Variants in GTF2I observed in about 807,000 individuals in gnomAD.
The protein encoded by GTF2I is general transcription factor IIi.
In GTF2I, 12 loss-of-function variants were observed where a neutral mutation model predicts 67.6. The ratio of observed to expected loss-of-function variants is 0.18; its 90% CI spans 0.11 to 0.29. The LOEUF is 0.29. GTF2I is among the 10% of genes least tolerant of loss of function. The probability of loss-of-function intolerance (pLI) is 1.00; values close to 1 mark genes in which losing one functional copy is unlikely to be tolerated. For synonymous variants in GTF2I, 149 were observed against 197.0 expected (o/e 0.76, Z 2.04); for missense variants, 271 against 580.1 (o/e 0.47, Z 5.47).
At chr7:74,680,603 G>A (rs782518416) in intron 1 of GTF2I, among the ~76,000 whole-genome samples, 52 of 152,140 alleles carry the variant, frequency 3.4e-4, no homozygotes, top group African/African-American at 7.7e-4. Context: ...TTAGCCGGGC[G>A]TGGTGCTGCA....
At position 74,718,516 on chromosome 7, in the gene GTF2I, A is replaced by G. The variant is rs188557236; in HGVS notation, c.881-363A>G. Among the ~76,000 whole-genome samples, 469 of 152,328 alleles carry G rather than the reference A, an allele frequency of 3.1e-3. 5 individuals carry two copies. Among genetic ancestry groups the G allele is most frequent in the African/African-American group, 0.011 (442 of 41,578 alleles). ...ACTCCTCACATTTCTGAAAGGAGAG[A>G]AGAAATTCTAACCAAAGTAGAAAGC... On this transcript the variant is annotated intron_variant, in intron 11 of 34. Coordinates refer to ENST00000573035, the MANE Select transcript of GTF2I (RefSeq NM_032999.4).
At chr7:74,713,094 G>A (rs1003266421) in intron 9 of GTF2I, among the ~76,000 whole-genome samples, 3 of 151,950 alleles carry the variant, frequency 2.0e-5, no homozygotes, top group African/African-American at 7.3e-5. Context: ...CCATTTTTAG[G>A]GTGAATAAAA....
At chr7:74,658,402 C>G (rs2131158374) in intron 1 of GTF2I, among the ~76,000 whole-genome samples, 1 of 144,338 alleles carries the variant, frequency 6.9e-6, no homozygotes, top group Admixed American at 6.8e-5. Flanking sequence ...GCGCGCCGAC[C>G]GGCGTGCGGT....
At chr7:74,674,438 G>A (rs1025909490) in intron 1 of GTF2I, among the ~76,000 whole-genome samples, 2 of 152,134 alleles carry the variant, frequency 1.3e-5, no homozygotes, top group East Asian at 1.9e-4. Flanking sequence ...TATCTTTCAC[G>A]TAGAGACTTG....
chr7:74,680,079 C>CAAAAAAAAAAAAAAAAAAAAAAAA (rs1225904374), intron 1 of GTF2I, among the ~76,000 whole-genome samples: 1 of 30,526 alleles, frequency 3.3e-5, no homozygotes, highest in Non-Finnish European at 5.2e-5. Context: ...GAGTCCATCT[C>CAAAAAAAAAAAAAAAAAAAAAAAA]AAAAAAAAAA....
At chr7:74,698,926 T>C in intron 3 of GTF2I, 35 bp from the exon 4 acceptor site, 1 of 1,096,286 alleles carries the variant, frequency 9.1e-7, no homozygotes, top group Non-Finnish European at 1.2e-6. Flanking sequence ...GACCTTATTA[T>C]TATTTTTTTA....
chr7:74,725,494 C>A (rs1175104984), intron 12 of GTF2I, among the ~76,000 whole-genome samples: 1 of 151,144 alleles, frequency 6.6e-6, no homozygotes, highest in African/African-American at 2.4e-5. Flanking sequence ...CAAGACCAAC[C>A]TGGGCAACAT....
intron 2 of GTF2I, 84 bp from the exon 3 acceptor site, chr7:74,690,889 G>A (rs202150779): frequency 4.9e-6 from 1 of 203,282 alleles, no homozygotes; most frequent in South Asian, 1.1e-4. Flanking sequence ...TTTAAAAAAT[G>A]TTGTTAGTTT....
At chr7:74,758,745 ATAAT>A (rs1423924563) in intron 33 of GTF2I, 31 bp from the exon 34 acceptor site, 25 of 630,380 alleles carry the variant, frequency 4.0e-5, no homozygotes, top group Non-Finnish European at 4.0e-5. Flanking sequence ...GGTCTGCAAA[ATAAT>A]TAATCGGTAC....
At chr7:74,678,983 G>A (rs1161037207) in intron 1 of GTF2I, among the ~76,000 whole-genome samples, 3 of 152,032 alleles carry the variant, frequency 2.0e-5, no homozygotes, top group Non-Finnish European at 4.4e-5. Flanking sequence ...TGTTGGCCAG[G>A]CTGGTCTCGA....
Position 74,685,520 on chromosome 7 carries a change from G to A in GTF2I, c.-5-3604G>A, listed in dbSNP as rs782007461. Among the ~76,000 whole-genome samples, 10 of 151,494 alleles carry A rather than the reference G, an allele frequency of 6.6e-5. No homozygotes were observed. The East Asian group carries it at 9.7e-4, about 15-fold the overall frequency. On this transcript the variant is annotated intron_variant, in intron 1 of 34. Transcript: ENST00000573035. Reference sequence around the variant, plus strand: ...TCAAAACAAAAACAAAAGGCCGGGCGTGGTGGGAGGCCAAGGTAGGTGGAT... The same window carrying A: ...TCAAAACAAAAACAAAAGGCCGGGCATGGTGGGAGGCCAAGGTAGGTGGAT...
At chr7:74,659,293 T>A (rs1554385318) in intron 1 of GTF2I, among the ~76,000 whole-genome samples, 1 of 151,916 alleles carries the variant, frequency 6.6e-6, no homozygotes, top group Non-Finnish European at 1.5e-5. Context: ...AGTGGCACAA[T>A]CATAGCACAT....
intron 1 of GTF2I, among the ~76,000 whole-genome samples, chr7:74,660,099 T>G (rs961732450): frequency 1.3e-5 from 2 of 152,172 alleles, no homozygotes; most frequent in African/African-American, 4.8e-5. Flanking sequence ...CCTTGAGATC[T>G]TGGTCTTTTG....
intron 1 of GTF2I, among the ~76,000 whole-genome samples, chr7:74,682,988 T>C (rs1392883257): frequency 1.3e-5 from 2 of 148,990 alleles, no homozygotes; most frequent in African/African-American, 5.0e-5. Flanking sequence ...TTGTTTAGTA[T>C]GGAGAAGAAA....
rs782658534 is a variant in GTF2I, at chr7:74,714,999, T to G, written c.823+83T>G. Reference sequence around the variant, plus strand: ...ATTGCACAGACTGTGTTTTAATATTTATAAGTACAGTATTACTTTTCTAAA... The same window carrying G: ...ATTGCACAGACTGTGTTTTAATATTGATAAGTACAGTATTACTTTTCTAAA... On this transcript the variant is annotated intron_variant, in intron 10 of 34. Coordinates refer to ENST00000573035, the MANE Select transcript of GTF2I (RefSeq NM_032999.4). 6.4e-6 allele frequency: 5 copies of G among 784,564 alleles called. No homozygotes were observed. In the African/African-American group the frequency reaches 7.1e-5, roughly 11 times the overall value. The allele number at this position is 784,564 out of a possible 1,614,324, so 48.6% of individuals were successfully genotyped here. A position where few individuals can be genotyped will look rare whatever the true frequency, so the allele number is the denominator to read the frequency against.
intron 12 of GTF2I, among the ~76,000 whole-genome samples, chr7:74,720,267 G>A (rs1312408527): frequency 4.6e-5 from 7 of 151,914 alleles, no homozygotes; most frequent in Admixed American, 2.0e-4. Flanking sequence ...TAGCTGCTGC[G>A]TAACCTTTCT....
intron 1 of GTF2I, chr7:74,687,546 G>A (rs1787847246): frequency 5.1e-6 from 5 of 984,746 alleles, no homozygotes; most frequent in South Asian, 9.4e-5. Flanking sequence ...ATTATAAAGC[G>A]CAACTTCCTA....
At chr7:74,683,658 G>T (rs990151159) in intron 1 of GTF2I, among the ~76,000 whole-genome samples, 1 of 152,168 alleles carries the variant, frequency 6.6e-6, no homozygotes, top group Non-Finnish European at 1.5e-5. Flanking sequence ...CTCAAGACCA[G>T]CCTGCCCAAT....
At chr7:74,726,509 G>C (rs1190740838) in intron 12 of GTF2I, 1 of 152,082 alleles carries the variant, frequency 6.6e-6, no homozygotes, top group Non-Finnish European at 1.5e-5. Context: ...ACAAACCCAG[G>C]TGCCAGTCAA....
Sources: allele counts gnomAD v4.1 joint callset (sites outside exome capture counted in the v4.1 genomes callset), GRCh38; gene constraint gnomAD v4.1.1; transcripts MANE v1.5; gene names NCBI Gene and HGNC (gene_info 2026-07-23, HGNC 2026-07-21).